Variants in ABHD2 observed in about 807,000 individuals in gnomAD.
The protein encoded by ABHD2 is abhydrolase domain containing 2, acylglycerol lipase.
In ABHD2, 20 loss-of-function variants were observed where a neutral mutation model predicts 48.1. The observed-to-expected ratio is 0.42, with a 90% CI of 0.29 to 0.60. The LOEUF (loss-of-function observed/expected upper bound fraction) is 0.60, where lower values mean the gene tolerates loss of function less well. Ranked by LOEUF, ABHD2 falls within the 20% of genes least tolerant of loss-of-function variation. The pLI is 0.24. For missense variants in ABHD2, 405 were observed against 550.9 expected (o/e 0.74, Z 2.65); for synonymous variants, 209 against 214.2 (o/e 0.98, Z 0.21).
intron 8 of ABHD2, among the ~76,000 whole-genome samples, chr15:89,190,720 AGGC>A (rs1200441825): frequency 6.6e-6 from 1 of 152,230 alleles, no homozygotes; most frequent in African/African-American, 2.4e-5. Context: ...CCATTGAGGA[AGGC>A]CCTGTCTTCA....
At position 89,146,355 on chromosome 15, in the gene ABHD2, C is replaced by CGTGTGTGTGT. The variant is rs4032279; in HGVS notation, c.195-5287_195-5278dup. Reference sequence around the variant, plus strand: ...TGAGCTTCATCTGCTCAAAGACGTACGTGTGTGTGTGTGTGTGTGTGTGTG... The same window carrying CGTGTGTGTGT: ...TGAGCTTCATCTGCTCAAAGACGTACGTGTGTGTGTGTGTGTGTGTGTGTGTGTGTGTGTG... On this transcript the variant is annotated intron_variant, in intron 3 of 10. Transcript: ENST00000352732. The surrounding 1 kb of genome is among the most constrained non-coding windows in gnomAD (Gnocchi z 4.2). 0.016 allele frequency among the ~76,000 whole-genome samples: 1,919 copies of CGTGTGTGTGT among 121,560 alleles called. 28 individuals are homozygous for CGTGTGTGTGT. The highest frequency in any genetic ancestry group is 0.023 in the South Asian group (74 of 3,170). The allele number at this position is 121,560 out of a possible 152,430, so 79.7% of individuals were successfully genotyped here.
At chr15:89,165,523 C>A (rs1439921923) in intron 5 of ABHD2, among the ~76,000 whole-genome samples, 1 of 151,886 alleles carries the variant, frequency 6.6e-6, no homozygotes. Flanking sequence ...GAGACTAAGG[C>A]AGGAGGATAG....
At chr15:89,160,857 G>T (rs1473335038) in intron 5 of ABHD2, among the ~76,000 whole-genome samples, 2 of 152,192 alleles carry the variant, frequency 1.3e-5, no homozygotes, top group African/African-American at 4.8e-5. Context: ...ACTTCAGTGG[G>T]GTGGGGGAGA....
At chr15:89,193,793 C>G (rs1427828903) in intron 10 of ABHD2, among the ~76,000 whole-genome samples, 3 of 151,956 alleles carry the variant, frequency 2.0e-5, no homozygotes, top group Admixed American at 6.6e-5. Context: ...CTACAAAAAA[C>G]TTAAAAATTA....
Position 89,164,144 on chromosome 15 carries a change from C to T in ABHD2, c.538+8610C>T, listed in dbSNP as rs997013509. ...CAGACAATGATGGGGCCAGCCTCTG[C>T]GATGGGAATACAGGTGTGGATTCGA... On this transcript the variant is annotated intron_variant, in intron 5 of 10. Coordinates refer to ENST00000352732, the MANE Select transcript of ABHD2 (RefSeq NM_152924.5). The surrounding 1 kb of genome is among the most constrained non-coding windows in gnomAD (Gnocchi z 5.0). Among the ~76,000 whole-genome samples, 4 of 152,138 alleles carry T rather than the reference C, an allele frequency of 2.6e-5. No homozygotes were observed. The highest frequency in any genetic ancestry group is 9.7e-5 in the African/African-American group (4 of 41,412).
At chr15:89,058,026 G>A in the ABHD2 span, among the ~76,000 whole-genome samples, 2 of 152,146 alleles carry the variant, frequency 1.3e-5, no homozygotes, top group African/African-American at 2.4e-5. Context: ...GAGAACGAAT[G>A]GAAGCTCACA....
chr15:89,190,526 G>A (rs1034310061), intron 8 of ABHD2, among the ~76,000 whole-genome samples: 5 of 152,090 alleles, frequency 3.3e-5, no homozygotes, highest in Non-Finnish European at 5.9e-5. Context: ...TCTGTTAAAA[G>A]GAAAGTTCCA....
At chr15:89,046,647 T>A in the ABHD2 span, among the ~76,000 whole-genome samples, 1 of 152,152 alleles carries the variant, frequency 6.6e-6, no homozygotes, top group Non-Finnish European at 1.5e-5. Context: ...TGTCGAGGAA[T>A]TTATCCATTT....
chr15:89,183,993 T>A (rs2150942034), intron 6 of ABHD2, among the ~76,000 whole-genome samples: 1 of 152,192 alleles, frequency 6.6e-6, no homozygotes, highest in East Asian at 1.9e-4. Context: ...CCGGGGTCCC[T>A]CATGGTGGTC....
chr15:89,042,733 G>C, the ABHD2 span, among the ~76,000 whole-genome samples: 1 of 151,884 alleles, frequency 6.6e-6, no homozygotes, highest in African/African-American at 2.4e-5. Context: ...TCTAGCCTCT[G>C]CCTCCCGGGT....
At chr15:89,170,197 G>A (rs149336261) in intron 5 of ABHD2, among the ~76,000 whole-genome samples, 8,156 of 140,912 alleles carry the variant, frequency 0.058, 796 homozygotes, top group African/African-American at 0.2. Flanking sequence ...CCAGGCTCAA[G>A]CGATTCTCCC....
intron 2 of ABHD2, among the ~76,000 whole-genome samples, chr15:89,115,254 A>G (rs2049936350): frequency 1.3e-5 from 2 of 152,038 alleles, no homozygotes; most frequent in African/African-American, 4.8e-5. Flanking sequence ...GATTTCCCTG[A>G]TTTTTAAGGT....
the ABHD2 span, among the ~76,000 whole-genome samples, chr15:89,050,390 A>G: frequency 5.9e-5 from 9 of 152,204 alleles, no homozygotes; most frequent in African/African-American, 1.7e-4. Context: ...ACAGCCTAAG[A>G]TTCCAGACCC....
intron 5 of ABHD2, among the ~76,000 whole-genome samples, chr15:89,171,545 G>A (rs1465644583): frequency 6.6e-6 from 1 of 152,178 alleles, no homozygotes; most frequent in Non-Finnish European, 1.5e-5. Context: ...TTAGGTATTA[G>A]TGGATCTACA....
the ABHD2 span, among the ~76,000 whole-genome samples, chr15:89,047,469 A>G: frequency 7.3e-5 from 11 of 150,906 alleles, no homozygotes; most frequent in Non-Finnish European, 1.5e-5. Context: ...TTTCTGTCTC[A>G]TTGATCTGTC....
intron 5 of ABHD2, among the ~76,000 whole-genome samples, chr15:89,170,716 C>T (rs1407189546): frequency 2.6e-5 from 4 of 152,158 alleles, no homozygotes; most frequent in East Asian, 3.9e-4. Flanking sequence ...TATTGGCAAA[C>T]TTCATCTTTT....
chr15:89,115,540 G>A (rs1303665647), intron 2 of ABHD2, among the ~76,000 whole-genome samples: 2 of 152,006 alleles, frequency 1.3e-5, no homozygotes, highest in African/African-American at 4.8e-5. Context: ...TTGACCTAGT[G>A]GTCAATTTGG....
At chr15:89,050,444 A>G in the ABHD2 span, among the ~76,000 whole-genome samples, 1 of 152,098 alleles carries the variant, frequency 6.6e-6, no homozygotes, top group Non-Finnish European at 1.5e-5. Context: ...AGCAGGGAAC[A>G]CATCTTCAAG....
chr15:89,122,713 G>A (rs2050071173), intron 3 of ABHD2, among the ~76,000 whole-genome samples: 1 of 152,246 alleles, frequency 6.6e-6, no homozygotes, highest in African/African-American at 2.4e-5. Flanking sequence ...TTGGGAAGTA[G>A]AGACAGGCAG....
Sources: allele counts gnomAD v4.1 joint callset (sites outside exome capture counted in the v4.1 genomes callset), GRCh38; gene constraint gnomAD v4.1.1; non-coding constraint Gnocchi (gnomAD v3.1); transcripts MANE v1.5; gene names NCBI Gene and HGNC (gene_info 2026-07-23, HGNC 2026-07-21).